SHOC1: variants seen among roughly 807,000 people sequenced by gnomAD.
SHOC1 encodes protein shortage in chiasmata 1 ortholog.
SHOC1 carries 136 observed loss-of-function variants against 179.2 expected under a neutral mutation model. The observed-to-expected ratio is 0.76, with a 90% CI of 0.66 to 0.87. The LOEUF (loss-of-function observed/expected upper bound fraction) is 0.87. Among genes scored for constraint, SHOC1 ranks in the 40% least tolerant of loss-of-function variants. The pLI, the probability that SHOC1 is intolerant of heterozygous loss-of-function variation, is 0.00. For synonymous variants in SHOC1, 489 were observed against 586.6 expected, an observed-to-expected ratio of 0.83 and a Z score of 2.41; for missense variants, 1,538 against 1,700.8, an observed-to-expected ratio of 0.90 and a Z score of 1.68.
chr9:111,784,793 G>C (rs73545410), intron 3 of SHOC1, among the ~76,000 whole-genome samples: 1,709 of 152,172 alleles, frequency 0.011, 26 homozygotes, highest in African/African-American at 0.039. Flanking sequence ...CTGGTTCATG[G>C]GTGGCTGTCT....
intron 5 of SHOC1, 179 bp from the exon 6 acceptor site, chr9:111,759,027 G>C: frequency 9.2e-7 from 1 of 1,081,204 alleles, no homozygotes; most frequent in Non-Finnish European, 1.3e-6. Context: ...TGGAACAAAG[G>C]CAAAAGTACA....
At chr9:111,733,467 A>G (rs1463091238) in intron 12 of SHOC1, among the ~76,000 whole-genome samples, 1 of 152,192 alleles carries the variant, frequency 6.6e-6, no homozygotes, top group Admixed American at 6.5e-5. Flanking sequence ...GTAAGCTGCT[A>G]ACACCTCCAG....
At chr9:111,769,986 G>GTTTTTTTT (rs769266659) in intron 5 of SHOC1, among the ~76,000 whole-genome samples, 36 of 77,614 alleles carry the variant, frequency 4.6e-4, no homozygotes, top group African/African-American at 1.8e-3. Context: ...TTTTTTTTTT[G>GTTTTTTTT]TTTTTTTTTT....
chr9:111,707,868 C>A lies in SHOC1; in HGVS notation c.2545G>T (p.Gly849Cys). The A allele has an allele frequency of 6.3e-7, 1 of 1,584,756 alleles. No individual in the cohort carries two copies. Among genetic ancestry groups the A allele is most frequent in the Non-Finnish European group, 8.6e-7 (1 of 1,166,162 alleles). The change falls in exon 19 of 28, where the codon GGT becomes TGT. Residue 849 changes from glycine (G) to cysteine (C), a missense_variant. Coordinates refer to ENST00000682961, the MANE Select transcript of SHOC1 (RefSeq NM_001378211.1). ...NERKDFLESEGVLRGTSSCVV... is the reference protein window; with the variant it reads ...NERKDFLESECVLRGTSSCVV... ...ATGAATTTTTACCCCCTTAAAACAC[C>A]TTCAGATTCCAGAAAATCTTTTCTT...
At chr9:111,688,764 C>T (rs1000668893) in intron 27 of SHOC1, among the ~76,000 whole-genome samples, 7 of 152,002 alleles carry the variant, frequency 4.6e-5, no homozygotes, top group Non-Finnish European at 7.4e-5. Context: ...AGCTCATATT[C>T]AGCTTCCATT....
rs1832210723 is a variant in SHOC1 at position 111,705,309 on chromosome 9, A to C, written c.2793T>G (p.Tyr931Ter). 6.3e-7 allele frequency: 1 copy of C among 1,594,524 alleles called. No homozygotes were observed. The highest frequency in any genetic ancestry group is 1.1e-5 in the South Asian group (1 of 87,738). Residue 931 changes from tyrosine to a stop codon, truncating the protein, a stop_gained, in exon 21 of 28, where the codon TAT (tyrosine) becomes TAG (stop). Transcript: ENST00000682961. LOFTEE classifies it high-confidence loss of function. ...GGFLLEIQIP[Y>*]VFFASEGLLN... ...GAAGTCCTTCAGATGCAAAAAACAC[A>C]TATGGAATCTGAATTTCCAAAAGAA...
intron 2 of SHOC1, among the ~76,000 whole-genome samples, chr9:111,790,355 G>T (rs1322457438): frequency 1.3e-5 from 2 of 152,094 alleles, no homozygotes; most frequent in African/African-American, 4.8e-5. Context: ...ACAGAAAGTG[G>T]TCAATGCATG....
intron 12 of SHOC1, among the ~76,000 whole-genome samples, chr9:111,728,606 A>T (rs1833419393): frequency 1.3e-5 from 2 of 152,210 alleles, no homozygotes; most frequent in Admixed American, 1.3e-4. Context: ...GTATGATTCC[A>T]TTTATATAAA....
intron 24 of SHOC1, among the ~76,000 whole-genome samples, chr9:111,696,657 A>T (rs1831706741): frequency 7.9e-6 from 1 of 126,478 alleles, no homozygotes; most frequent in Admixed American, 9.7e-5. Context: ...CCTTATTTGG[A>T]TCATGCCCTC....
chr9:111,748,955 C>T (rs1188695936), intron 8 of SHOC1, among the ~76,000 whole-genome samples: 2 of 123,006 alleles, frequency 1.6e-5, no homozygotes, highest in Non-Finnish European at 1.7e-5. Flanking sequence ...ACACATTTTG[C>T]CTATCCTTTT....
chr9:111,773,292 CTTTA>C (rs1048831988), intron 5 of SHOC1, among the ~76,000 whole-genome samples: 9 of 152,096 alleles, frequency 5.9e-5, no homozygotes, highest in African/African-American at 1.7e-4. Context: ...GCATATGCAA[CTTTA>C]TTTATTTTAT....
chr9:111,775,348 A>G (rs1018437105), intron 5 of SHOC1, among the ~76,000 whole-genome samples: 2 of 152,100 alleles, frequency 1.3e-5, no homozygotes, highest in Non-Finnish European at 2.9e-5. Flanking sequence ...TATATTTCCT[A>G]ACTTAATACT....
intron 8 of SHOC1, among the ~76,000 whole-genome samples, chr9:111,750,332 T>C (rs1330944230): frequency 6.6e-6 from 1 of 152,116 alleles, no homozygotes; most frequent in Non-Finnish European, 1.5e-5. Flanking sequence ...GTACGTCTTC[T>C]TCTTTTTCTT....
chr9:111,702,121 C>T lies in SHOC1; in HGVS notation c.3073G>A (p.Glu1025Lys), dbSNP rs192587937. The T allele has an allele frequency of 2.8e-4, 420 of 1,488,490 alleles. 1 individual carries two copies. The East Asian group carries it at 7.8e-3, about 28-fold the overall frequency. The allele number at this position is 1,488,490 out of a possible 1,614,324, so 92.2% of individuals were successfully genotyped here. ...RYCWIILYTK[E>K]TLNSEYLLTE... ...TTTACCTACTCTGAATTTAATGTTT[C>T]TTTGGTATATAAAATTATCCAACAA... The change falls in exon 23 of 28, where the codon GAA (glutamate) becomes AAA (lysine). Residue 1025 changes from glutamate to lysine, a missense_variant. Glu to Lys is a moderately conservative substitution (Grantham distance 56). Transcript: ENST00000682961.
chr9:111,695,105 T>C (rs1031789042), intron 24 of SHOC1, among the ~76,000 whole-genome samples: 7 of 152,278 alleles, frequency 4.6e-5, no homozygotes, highest in South Asian at 2.1e-4. Flanking sequence ...ACCTTCTTTT[T>C]CTGCTTTCAT....
At chr9:111,790,185 A>T (rs1836401203) in intron 2 of SHOC1, among the ~76,000 whole-genome samples, 1 of 152,238 alleles carries the variant, frequency 6.6e-6, no homozygotes, top group Admixed American at 6.5e-5. Flanking sequence ...AAATAATAGT[A>T]TCTGCCTCAT....
At chr9:111,713,265 T>C in intron 17 of SHOC1, 93 bp from the exon 18 acceptor site, 1 of 622,838 alleles carries the variant, frequency 1.6e-6, no homozygotes, top group Non-Finnish European at 2.8e-6. Flanking sequence ...TAATTGGTTC[T>C]ATGAAACTAA....
intron 8 of SHOC1, among the ~76,000 whole-genome samples, chr9:111,752,479 G>C (rs773849410): frequency 1.2e-4 from 18 of 152,252 alleles, no homozygotes; most frequent in Non-Finnish European, 2.5e-4. Flanking sequence ...CTCTTCAAAG[G>C]AAGATAGCAA....
chr9:111,707,267 C>A (rs10981028), intron 19 of SHOC1, among the ~76,000 whole-genome samples: 28,928 of 151,808 alleles, frequency 0.19, 2,922 homozygotes, highest in Non-Finnish European at 0.22. Flanking sequence ...AAACATACCA[C>A]CTACTATAAT....
Sources: gnomAD v4.1 joint callset for allele counts (sites outside exome capture counted in the v4.1 genomes callset) on GRCh38, gnomAD v4.1.1 for gene constraint, MANE v1.5 for transcripts, NCBI Gene and HGNC (gene_info 2026-07-23, HGNC 2026-07-21) for gene names.